KIAA1549: variants seen among roughly 807,000 people sequenced by gnomAD.
KIAA1549 encodes KIAA1549.
KIAA1549 carries 70 observed loss-of-function variants against 156.4 expected under a neutral mutation model. The observed-to-expected ratio is 0.45, with a 90% CI of 0.37 to 0.55. KIAA1549 has a LOEUF of 0.55. KIAA1549 is among the 20% of genes least tolerant of loss of function. The pLI, the probability that KIAA1549 is intolerant of heterozygous loss-of-function variation, is 0.00. For synonymous variants in KIAA1549, 1,103 were observed against 1,066.4 expected (o/e 1.03, Z -0.67); for missense variants, 2,428 against 2,540.9 (o/e 0.96, Z 0.96).
At chr7:138,938,757 T>C (rs1179050015) in intron 1 of KIAA1549, among the ~76,000 whole-genome samples, 2 of 152,264 alleles carry the variant, frequency 1.3e-5, no homozygotes, top group African/African-American at 4.8e-5. Context: ...TTTTAAACTT[T>C]TTATTATAGG....
chr7:138,967,130 C>T (rs1025840867), intron 1 of KIAA1549, among the ~76,000 whole-genome samples: 2 of 152,186 alleles, frequency 1.3e-5, no homozygotes, highest in African/African-American at 4.8e-5. Context: ...GGGCCCAGCA[C>T]AGTGCCTGCA....
intron 1 of KIAA1549, among the ~76,000 whole-genome samples, chr7:138,948,944 A>T (rs1284217461): frequency 6.6e-6 from 1 of 152,012 alleles, no homozygotes; most frequent in Non-Finnish European, 1.5e-5. Flanking sequence ...ACCTCAGGTG[A>T]TCCACCCACC....
At chr7:138,893,217 G>C (rs1811590411) in intron 10 of KIAA1549, among the ~76,000 whole-genome samples, 1 of 152,196 alleles carries the variant, frequency 6.6e-6, no homozygotes, top group Non-Finnish European at 1.5e-5. Context: ...GCTTTGGAAA[G>C]ACATAGGAAA....
intron 1 of KIAA1549, among the ~76,000 whole-genome samples, chr7:138,977,684 A>G (rs1365255208): frequency 6.6e-6 from 1 of 151,510 alleles, no homozygotes; most frequent in African/African-American, 2.4e-5. Context: ...ACACACACAC[A>G]CGGAAAGAAA....
Position 138,917,985 on chromosome 7 carries a change from T to A in KIAA1549, c.1641A>T (p.Gln547His). Residue 547 changes from glutamine (Q) to histidine (H), a missense_variant, in exon 2 of 20, where the codon CAA becomes CAT. Gln to His is a conservative substitution (Grantham distance 24). Around this residue, in one of 5 missense-constraint regions of KIAA1549, gnomAD observed 893 missense variants for 847.9 expected, o/e 1.05. Transcript: ENST00000422774. The part of the protein sequence containing the change: ...TAGSLSVAET[Q>H]VTPSSVTTAF... Reference sequence around the variant, plus strand: ...CAGTGGTCACGCTGGATGGCGTCACTTGGGTTTCAGCAACAGACAAGGAGC... The same window carrying A: ...CAGTGGTCACGCTGGATGGCGTCACATGGGTTTCAGCAACAGACAAGGAGC... The A allele has an allele frequency of 6.3e-7, 1 of 1,596,824 alleles. No individual in the cohort carries two copies. The highest frequency in any genetic ancestry group is 1.1e-5 in the South Asian group (1 of 88,480).
In KIAA1549 at chr7:138,868,140, A is replaced by G. The variant is rs774074238; in HGVS notation, c.4776-12T>C. The G allele has an allele frequency of 6.2e-7, 1 of 1,610,208 alleles. No homozygotes were observed. Among genetic ancestry groups the G allele is most frequent in the Admixed American group, 1.7e-5 (1 of 59,528 alleles). ...GTTTTATCCGTGAGCTGCCAGGAAA[A>G]AGAGAAATTATCTTCGTAGGAAATC... On this transcript the variant is annotated splice_polypyrimidine_tract_variant and intron_variant, in intron 14 of 19. Transcript: ENST00000422774.
chr7:138,901,418 C>G (rs1328246123), intron 8 of KIAA1549, among the ~76,000 whole-genome samples: 1 of 151,642 alleles, frequency 6.6e-6, no homozygotes, highest in African/African-American at 2.4e-5. Context: ...CTCCACCTCC[C>G]GGGTTCAAGT....
chr7:138,894,288 C>A, intron 10 of KIAA1549, 54 bp downstream of exon 10: 1 of 1,563,952 alleles, frequency 6.4e-7, no homozygotes, highest in African/African-American at 1.3e-5. Flanking sequence ...CTCATCCTAT[C>A]CCTGCCCCAC....
chr7:138,919,482 T>A, intron 1 of KIAA1549, 44 bp from the exon 2 acceptor site: 1 of 1,574,246 alleles, frequency 6.4e-7, no homozygotes, highest in South Asian at 1.2e-5. Flanking sequence ...GCATTGGAAG[T>A]CACACAGCTA....
rs370048274 is a variant in KIAA1549, at chr7:138,840,091, A to G, written c.5598+42T>C. The G allele has an allele frequency of 1.1e-4, 173 of 1,526,254 alleles. 1 individual carries two copies. In the African/African-American group the frequency reaches 2.0e-3, roughly 17 times the overall value. 94.5% of individuals were successfully genotyped at this position (1,526,254 alleles called of 1,614,324 possible). On this transcript the variant is annotated intron_variant, in intron 19 of 19. Transcript: ENST00000422774. ...AGGTGTGAGCCACCGCACCTGGCCT[A>G]TGTCTAAATTTTAAATGATGACCCA...
At chr7:138,935,052 C>G (rs1160546994) in intron 1 of KIAA1549, among the ~76,000 whole-genome samples, 1 of 152,162 alleles carries the variant, frequency 6.6e-6, no homozygotes. Flanking sequence ...AATTAGTCAC[C>G]CCTTCCATTT....
intron 12 of KIAA1549, among the ~76,000 whole-genome samples, chr7:138,878,109 C>CAAAGAA (rs1811138085): frequency 6.6e-6 from 1 of 152,164 alleles, no homozygotes; most frequent in Admixed American, 6.5e-5. Context: ...AAACCACATC[C>CAAAGAA]AAAGAAAAAA....
At chr7:138,923,249 T>A (rs771143761) in intron 1 of KIAA1549, among the ~76,000 whole-genome samples, 45 of 152,240 alleles carry the variant, frequency 3.0e-4, no homozygotes, top group Admixed American at 9.2e-4. Flanking sequence ...TAAATAAGGA[T>A]AACCTTCAAA....
Position 138,981,075 on chromosome 7 carries a change from G to A in KIAA1549, c.187+8C>T. The A allele has an allele frequency of 8.2e-7, 1 of 1,225,092 alleles. No individual in the cohort carries two copies. The highest frequency in any genetic ancestry group is 4.1e-5 in the South Asian group (1 of 24,288). 75.9% of individuals were successfully genotyped at this position (1,225,092 alleles called of 1,614,324 possible). A position where few individuals can be genotyped will look rare whatever the true frequency, so the allele number is the denominator to read the frequency against. On this transcript the variant is annotated splice_region_variant and intron_variant, in intron 1 of 19. Transcript: ENST00000422774. This position sits in a 1 kb window ranked among gnomAD's most constrained non-coding sequence, Gnocchi z 4.5. The stretch of plus-strand genomic sequence containing the variant: ...CGGCCGCGTTCCGAGGGTCTCGGCG[G>A]AGCTTACCTGGGGCGCACGAGGCCG...
At position 138,872,852 on chromosome 7, in the gene KIAA1549, C is replaced by G. The variant is rs139620922; in HGVS notation, c.4346-1490G>C. Reference sequence around the variant, plus strand: ...CCAGGAGGTAGAGGGTGCAGTGAGCCGAGATCATGTCTCTACATTCCAGCC... The same window carrying G: ...CCAGGAGGTAGAGGGTGCAGTGAGCGGAGATCATGTCTCTACATTCCAGCC... On this transcript the variant is annotated intron_variant, in intron 12 of 19. Transcript: ENST00000422774. 6.7e-3 allele frequency among the ~76,000 whole-genome samples: 1,015 copies of G among 152,166 alleles called. 7 individuals carry two copies. The highest frequency in any genetic ancestry group is 0.021 in the Admixed American group (322 of 15,262).
At chr7:138,848,357 T>C (rs1810138369) in intron 17 of KIAA1549, among the ~76,000 whole-genome samples, 1 of 152,210 alleles carries the variant, frequency 6.6e-6, no homozygotes, top group Non-Finnish European at 1.5e-5. Context: ...CTTCTATTCT[T>C]TGTTTGCTAA....
At chr7:138,973,419 T>A (rs767841516) in intron 1 of KIAA1549, among the ~76,000 whole-genome samples, 7 of 152,212 alleles carry the variant, frequency 4.6e-5, no homozygotes, top group Non-Finnish European at 8.8e-5. Flanking sequence ...GCATTTGACA[T>A]GATGGATCAC....
intron 1 of KIAA1549, among the ~76,000 whole-genome samples, chr7:138,929,172 C>T (rs1016910594): frequency 2.0e-5 from 3 of 152,176 alleles, no homozygotes; most frequent in Non-Finnish European, 4.4e-5. Flanking sequence ...TAGCATTTGG[C>T]CCACAGTAGA....
chr7:138,956,880 T>C lies in KIAA1549; in HGVS notation c.187+24203A>G, dbSNP rs556601564. The stretch of plus-strand genomic sequence containing the variant: ...CACTTAGTGATTTAACAAATATTTA[T>C]TGAGGGCCTACTCTCTGCCAGGCCC... On this transcript the variant is annotated intron_variant, in intron 1 of 19. Transcript: ENST00000422774. 5.3e-5 allele frequency among the ~76,000 whole-genome samples: 8 copies of C among 152,338 alleles called. No homozygotes were observed. In the South Asian group the frequency reaches 8.3e-4, roughly 16 times the overall value.
Sources: gnomAD v4.1 joint callset for allele counts (sites outside exome capture counted in the v4.1 genomes callset) on GRCh38, gnomAD v4.1.1 for gene constraint, gnomAD v4.1.1 regional missense constraint, Gnocchi (gnomAD v3.1) non-coding constraint, MANE v1.5 for transcripts, NCBI Gene and HGNC (gene_info 2026-07-23, HGNC 2026-07-21) for gene names.